The following ACTN1 variants were observed in gnomAD, a reference collection of about 807,000 sequenced individuals.
The protein encoded by ACTN1 is alpha-actinin-1.
In ACTN1, 30 loss-of-function variants were observed where a neutral mutation model predicts 119.6. The observed-to-expected ratio is 0.25, with a 90% confidence interval of 0.19 to 0.34. The LOEUF is 0.34. Ranked by LOEUF, ACTN1 falls within the 10% of genes least tolerant of loss-of-function variation. The pLI, the probability that ACTN1 is intolerant of heterozygous loss-of-function variation, is 1.00. For synonymous variants in ACTN1, 429 were observed against 472.6 expected, an observed-to-expected ratio of 0.91 and a Z score of 1.20; for missense variants, 764 against 1,223.4, an observed-to-expected ratio of 0.62 and a Z score of 5.60.
intron 7 of ACTN1, among the ~76,000 whole-genome samples, chr14:68,904,266 G>A (rs1476051973): frequency 1.3e-5 from 2 of 152,134 alleles, no homozygotes; most frequent in African/African-American, 4.8e-5. Flanking sequence ...GCTGTCCAGA[G>A]ACCACCCAGG....
At chr14:68,937,663 A>G (rs1051941184) in intron 1 of ACTN1, among the ~76,000 whole-genome samples, 1 of 152,178 alleles carries the variant, frequency 6.6e-6, no homozygotes, top group Non-Finnish European at 1.5e-5. Context: ...AAATCACCCA[A>G]ATGAGCTTCT....
Position 68,878,237 on chromosome 14 carries a change from A to C in ACTN1, c.2427+221T>G. 1.9e-6 allele frequency: 1 copy of C among 528,254 alleles called. No homozygotes were observed. Among genetic ancestry groups the C allele is most frequent in the Non-Finnish European group, 3.2e-6 (1 of 308,558 alleles). 32.7% of individuals were successfully genotyped at this position (528,254 alleles called of 1,614,324 possible). Reference sequence around the variant, plus strand: ...GAAGTACCAGAAGATGAAGTGGCACAGAGATTGAGGCGAGGAGGTCAGGCC... The same window carrying C: ...GAAGTACCAGAAGATGAAGTGGCACCGAGATTGAGGCGAGGAGGTCAGGCC... On this transcript the variant is annotated intron_variant, in intron 20 of 21. Coordinates refer to ENST00000394419, the MANE Select transcript of ACTN1 (RefSeq NM_001130004.2). The surrounding 1 kb of genome is among the most constrained non-coding windows in gnomAD (Gnocchi z 4.4).
At chr14:68,939,761 T>C (rs2035701385) in intron 1 of ACTN1, among the ~76,000 whole-genome samples, 1 of 152,226 alleles carries the variant, frequency 6.6e-6, no homozygotes, top group African/African-American at 2.4e-5. Flanking sequence ...GTTGTATAAA[T>C]GGGTTAATTG....
At chr14:68,904,592 T>G in intron 7 of ACTN1, 63 bp downstream of exon 7, 2 of 1,518,754 alleles carry the variant, frequency 1.3e-6, no homozygotes, top group Non-Finnish European at 1.8e-6. Flanking sequence ...GGTCCACCCC[T>G]TCTTAGCCGC....
At chr14:68,920,935 C>T in intron 3 of ACTN1, 71 bp downstream of exon 3, 2 of 1,585,614 alleles carry the variant, frequency 1.3e-6, no homozygotes, top group Non-Finnish European at 8.6e-7. Context: ...GGAGGCAGCA[C>T]AAAAAAGGCC....
Position 68,926,445 on chromosome 14 carries a change from TG to T in ACTN1, c.106-774del, listed in dbSNP as rs201501063. On this transcript the variant is annotated intron_variant, in intron 1 of 21. Transcript: ENST00000394419. ...CAGGAAGAGGGTGTCTCAACAAACA[TG>T]AGAAACAAAAGCATGCATCGCAGTT... Among the ~76,000 whole-genome samples, 1,291 of 152,300 alleles carry T rather than the reference TG, an allele frequency of 8.5e-3. 21 individuals are homozygous for T. The highest frequency in any genetic ancestry group is 0.03 in the African/African-American group (1,231 of 41,566).
intron 1 of ACTN1, among the ~76,000 whole-genome samples, chr14:68,968,161 G>A (rs1267092058): frequency 6.6e-6 from 1 of 152,180 alleles, no homozygotes; most frequent in Admixed American, 6.5e-5. Context: ...ACGTGTGGGT[G>A]GAAAGAGAGT....
In ACTN1 at chr14:68,882,187, C is replaced by T. The variant is rs1168735927; in HGVS notation, c.1953+271G>A. ...CTGACCTCAGGTGATCCACCTGCCT[C>T]GGCCTCCCAAAGTGCTGGGATTACA... On this transcript the variant is annotated intron_variant, in intron 16 of 21. Coordinates refer to ENST00000394419, the MANE Select transcript of ACTN1 (RefSeq NM_001130004.2). The surrounding 1 kb of genome is among the most constrained non-coding windows in gnomAD (Gnocchi z 4.5). Among the ~76,000 whole-genome samples the T allele has an allele frequency of 2.0e-5, 3 of 152,098 alleles. No homozygotes were observed. Among genetic ancestry groups the T allele is most frequent in the Admixed American group, 6.5e-5 (1 of 15,278 alleles).
At chr14:68,942,020 C>G (rs1041365447) in intron 1 of ACTN1, among the ~76,000 whole-genome samples, 2 of 152,158 alleles carry the variant, frequency 1.3e-5, no homozygotes, top group Non-Finnish European at 2.9e-5. Flanking sequence ...TCTCAAAGCT[C>G]CAGGAAACCC....
At chr14:68,919,014 A>T (rs2034496050) in intron 3 of ACTN1, among the ~76,000 whole-genome samples, 1 of 152,212 alleles carries the variant, frequency 6.6e-6, no homozygotes, top group Admixed American at 6.5e-5. Flanking sequence ...GCCCACGTAA[A>T]GCACCCTGTC....
intron 1 of ACTN1, among the ~76,000 whole-genome samples, chr14:68,975,521 C>G (rs1480336845): frequency 2.6e-5 from 4 of 152,126 alleles, no homozygotes; most frequent in African/African-American, 9.7e-5. Context: ...GATCCTACAC[C>G]AAGCTGATGC....
At chr14:68,911,062 G>C (rs563440655) in intron 4 of ACTN1, among the ~76,000 whole-genome samples, 2 of 152,294 alleles carry the variant, frequency 1.3e-5, no homozygotes, top group Admixed American at 1.3e-4. Flanking sequence ...TGGAGGTTAA[G>C]GTACTCAGTG....
chr14:68,887,431 T>C (rs1412585827), intron 11 of ACTN1: 7 of 829,176 alleles, frequency 8.4e-6, no homozygotes, highest in South Asian at 3.1e-5. Context: ...AGATATTAAA[T>C]GCAGGACTGA....
Position 68,909,187 on chromosome 14 carries a change from G to C in ACTN1, c.594+131C>G. On this transcript the variant is annotated intron_variant, in intron 6 of 21. Transcript: ENST00000394419. The surrounding 1 kb of genome is among the most constrained non-coding windows in gnomAD (Gnocchi z 4.1). Reference sequence around the variant, plus strand: ...TCTCTTCACTTTCAGTTGGGGCTCTGTCTGGCTATTCTAAGAGGCCAACAC... The same window carrying C: ...TCTCTTCACTTTCAGTTGGGGCTCTCTCTGGCTATTCTAAGAGGCCAACAC... 1 of 849,842 alleles carries C rather than the reference G, an allele frequency of 1.2e-6. No individual in the cohort carries two copies. The allele number at this position is 849,842 out of a possible 1,614,324, so 52.6% of individuals were successfully genotyped here. A position where few individuals can be genotyped will look rare whatever the true frequency, so the allele number is the denominator to read the frequency against.
intron 10 of ACTN1, among the ~76,000 whole-genome samples, chr14:68,890,777 AC>A (rs2032418319): frequency 6.6e-6 from 1 of 152,090 alleles, no homozygotes; most frequent in African/African-American, 2.4e-5. Context: ...GCCTACAGAG[AC>A]CCCGGCCTGG....
At chr14:68,965,602 TCACCAA>T (rs2036677731) in intron 1 of ACTN1, among the ~76,000 whole-genome samples, 1 of 152,114 alleles carries the variant, frequency 6.6e-6, no homozygotes, top group Non-Finnish European at 1.5e-5. Flanking sequence ...AAGTTACCCT[TCACCAA>T]CACCAAACAA....
intron 1 of ACTN1, among the ~76,000 whole-genome samples, chr14:68,942,787 T>C (rs1196740900): frequency 6.6e-6 from 1 of 152,128 alleles, no homozygotes; most frequent in Non-Finnish European, 1.5e-5. Context: ...AATGCAATCC[T>C]CACACAGCTG....
intron 1 of ACTN1, among the ~76,000 whole-genome samples, chr14:68,968,904 A>G (rs551940830): frequency 1.6e-4 from 24 of 152,378 alleles, no homozygotes; most frequent in Non-Finnish European, 2.5e-4. Context: ...AGGGATGCTC[A>G]GCTCCATATT....
intron 1 of ACTN1, among the ~76,000 whole-genome samples, chr14:68,946,413 C>T (rs1289068234): frequency 6.6e-6 from 1 of 152,188 alleles, no homozygotes; most frequent in Admixed American, 6.5e-5. Context: ...ATACCTATTC[C>T]TCAACTTCCC....
Sources: gnomAD v4.1 joint callset for allele counts (sites outside exome capture counted in the v4.1 genomes callset) on GRCh38, gnomAD v4.1.1 for gene constraint, Gnocchi (gnomAD v3.1) non-coding constraint, MANE v1.5 for transcripts, NCBI Gene and HGNC (gene_info 2026-07-23, HGNC 2026-07-21) for gene names.